Variants in SYN3 observed in about 807,000 individuals in gnomAD.
SYN3 encodes the protein synapsin-3.
A neutral mutation model predicts 65.8 loss-of-function variants in SYN3; 35 were observed. That is an observed-to-expected ratio of 0.53 (90% CI 0.41 to 0.70). SYN3 has a LOEUF of 0.70. Among genes scored for constraint, SYN3 ranks in the 30% least tolerant of loss-of-function variants. SYN3 has a pLI of 0.00. For missense variants in SYN3, 680 were observed against 749.0 expected, an observed-to-expected ratio of 0.91 and a Z score of 1.08; for synonymous variants, 270 against 292.9, an observed-to-expected ratio of 0.92 and a Z score of 0.80.
chr22:32,747,017 T>C (rs1248311199), intron 6 of SYN3, among the ~76,000 whole-genome samples: 1 of 152,062 alleles, frequency 6.6e-6, no homozygotes, highest in East Asian at 1.9e-4. Context: ...ACTCCCTGGC[T>C]GGAGGGAGCC....
intron 2 of SYN3, among the ~76,000 whole-genome samples, chr22:32,987,439 C>T (rs189280387): frequency 5.9e-5 from 9 of 152,298 alleles, no homozygotes; most frequent in African/African-American, 1.9e-4. Context: ...CCATTGTTTT[C>T]TCCTGAGAAC....
At chr22:32,600,879 G>T (rs771745193) in intron 6 of SYN3, among the ~76,000 whole-genome samples, 10 of 152,070 alleles carry the variant, frequency 6.6e-5, no homozygotes, top group Admixed American at 3.3e-4. Context: ...TAGAGACCGG[G>T]TTTCACTATG....
At chr22:32,563,666 G>C (rs1319308366) in intron 7 of SYN3, among the ~76,000 whole-genome samples, 1 of 152,068 alleles carries the variant, frequency 6.6e-6, no homozygotes, top group Non-Finnish European at 1.5e-5. Context: ...ACAACCTGGA[G>C]CCCTGCTAGT....
chr22:32,929,872 G>A (rs1461302816), intron 4 of SYN3, among the ~76,000 whole-genome samples: 1 of 152,080 alleles, frequency 6.6e-6, no homozygotes, highest in Non-Finnish European at 1.5e-5. Flanking sequence ...GATACAGGTG[G>A]CTTTGTACTC....
At chr22:32,756,682 T>A (rs1000121651) in intron 6 of SYN3, among the ~76,000 whole-genome samples, 8 of 152,090 alleles carry the variant, frequency 5.3e-5, no homozygotes, top group Non-Finnish European at 1.2e-4. Flanking sequence ...TGTTCAAAAG[T>A]GTGTGGCACC....
Position 33,028,679 on chromosome 22 carries a change from G to GTGGTGGTGGTGA in SYN3, c.-162-21867_-162-21856dup, listed in dbSNP as rs1269013117. Among the ~76,000 whole-genome samples the GTGGTGGTGGTGA allele has an allele frequency of 3.7e-4, 37 of 100,882 alleles. 1 individual carries two copies. The highest frequency in any genetic ancestry group is 1.3e-3 in the African/African-American group (30 of 23,988). 66.2% of individuals were successfully genotyped at this position (100,882 alleles called of 152,430 possible). On this transcript the variant is annotated intron_variant, in intron 1 of 13. Coordinates refer to ENST00000358763, the MANE Select transcript of SYN3 (RefSeq NM_003490.4). ...GGTGGTGGTGGTGGTGGTGGTGGTG[G>GTGGTGGTGGTGA]TGGTGGTGGTGATGGTGGTGGTGGT...
In SYN3 at chr22:32,561,575, T is replaced by A. The variant is rs369591019; in HGVS notation, c.775-19862A>T. The stretch of plus-strand genomic sequence containing the variant: ...GGAATGATAATGGGGGCATCTCTTA[T>A]TTCCAAACTCTGGCAGTTTCCTTCC... On this transcript the variant is annotated intron_variant, in intron 7 of 13. Transcript: ENST00000358763. 3.9e-5 allele frequency among the ~76,000 whole-genome samples: 6 copies of A among 152,184 alleles called. No homozygotes were observed. In the East Asian group the frequency reaches 9.7e-4, roughly 24 times the overall value.
In SYN3 at chr22:32,508,998, T is replaced by C. The variant is rs1311964017; in HGVS notation, c.*4694A>G. On this transcript the variant is annotated 3_prime_UTR_variant, in exon 14 of 14. Transcript: ENST00000358763. ...ATAGAATTGAGTGTTAGTTCTATCT[T>C]GAATGTATCTGAATATTAGTTAATT... 1.3e-5 allele frequency among the ~76,000 whole-genome samples: 2 copies of C among 152,212 alleles called. No homozygotes were observed. The highest frequency in any genetic ancestry group is 1.3e-4 in the Admixed American group (2 of 15,286).
At chr22:33,026,393 G>A (rs1028041092) in intron 1 of SYN3, among the ~76,000 whole-genome samples, 12 of 152,070 alleles carry the variant, frequency 7.9e-5, no homozygotes, top group African/African-American at 2.9e-4. Flanking sequence ...TCCAAAACCA[G>A]CCACCAGGAC....
chr22:32,917,089 T>A (rs966582794), intron 4 of SYN3, among the ~76,000 whole-genome samples: 1 of 152,162 alleles, frequency 6.6e-6, no homozygotes, highest in African/African-American at 2.4e-5. Flanking sequence ...GAGCATTCAC[T>A]ATATTTCAGG....
At chr22:32,875,193 G>C (rs1244981460) in intron 4 of SYN3, among the ~76,000 whole-genome samples, 3 of 152,232 alleles carry the variant, frequency 2.0e-5, no homozygotes, top group Non-Finnish European at 1.5e-5. Context: ...AGGGAGGCCT[G>C]TGGGGCCCCC....
At chr22:32,715,977 G>A (rs550405787) in intron 6 of SYN3, among the ~76,000 whole-genome samples, 3 of 152,242 alleles carry the variant, frequency 2.0e-5, no homozygotes, top group African/African-American at 7.2e-5. Context: ...GGGAATCCTG[G>A]AGAGCCCTCT....
At position 32,526,236 on chromosome 22, in the gene SYN3, C is replaced by T. The variant is rs981987824; in HGVS notation, c.1318+1682G>A. On this transcript the variant is annotated intron_variant, in intron 12 of 13. Coordinates refer to ENST00000358763, the MANE Select transcript of SYN3 (RefSeq NM_003490.4). ...ACTATATACTGGGGTGGTCTTGAAC[C>T]GAACCAGCAATATCTCTGAGGTATG... is the stretch of plus-strand genomic sequence containing the variant. 1.6e-4 allele frequency among the ~76,000 whole-genome samples: 25 copies of T among 152,168 alleles called. 1 individual carries two copies. In the South Asian group the frequency reaches 4.8e-3, roughly 29 times the overall value.
intron 7 of SYN3, among the ~76,000 whole-genome samples, chr22:32,588,912 G>A (rs960074531): frequency 6.6e-6 from 1 of 152,218 alleles, no homozygotes; most frequent in African/African-American, 2.4e-5. Context: ...ATGCTCACCA[G>A]TACATGCCAG....
At chr22:32,896,287 T>G (rs966323326) in intron 4 of SYN3, among the ~76,000 whole-genome samples, 3 of 152,050 alleles carry the variant, frequency 2.0e-5, no homozygotes, top group Admixed American at 6.6e-5. Context: ...AAACCCCGAC[T>G]CTACTGAAAA....
At chr22:32,883,250 C>T (rs241900) in intron 4 of SYN3, among the ~76,000 whole-genome samples, 34,299 of 152,144 alleles carry the variant, frequency 0.23, 4,025 homozygotes, top group South Asian at 0.41. Flanking sequence ...AGGACCATAA[C>T]CCAGTAAGGG....
intron 6 of SYN3, among the ~76,000 whole-genome samples, chr22:32,812,906 G>C (rs1434137257): frequency 1.3e-5 from 2 of 152,226 alleles, no homozygotes; most frequent in Admixed American, 1.3e-4. Context: ...TGCAAGGACT[G>C]AGAGATCCAA....
chr22:32,975,649 T>G (rs1451166135), intron 3 of SYN3, among the ~76,000 whole-genome samples: 1 of 152,208 alleles, frequency 6.6e-6, no homozygotes, highest in Non-Finnish European at 1.5e-5. Flanking sequence ...GACTCGACTT[T>G]ATATTGTATT....
At chr22:32,799,273 G>C (rs1262690383) in intron 6 of SYN3, among the ~76,000 whole-genome samples, 1 of 152,198 alleles carries the variant, frequency 6.6e-6, no homozygotes, top group East Asian at 1.9e-4. Context: ...CAACTGAAAA[G>C]CTCTTGGAAT....
Sources: gnomAD v4.1 joint callset for allele counts (sites outside exome capture counted in the v4.1 genomes callset) on GRCh38, gnomAD v4.1.1 for gene constraint, MANE v1.5 for transcripts, NCBI Gene and HGNC (gene_info 2026-07-23, HGNC 2026-07-21) for gene names.